Variants in CXADR observed in about 807,000 individuals in gnomAD.
CXADR encodes the protein coxsackievirus and adenovirus receptor.
In CXADR, 20 loss-of-function variants were observed where a neutral mutation model predicts 40.3. The ratio of observed to expected loss-of-function variants is 0.50; its 90% CI spans 0.35 to 0.72. CXADR has a LOEUF of 0.72. Ranked by LOEUF, CXADR falls within the 30% of genes least tolerant of loss-of-function variation. The pLI is 0.01. For synonymous variants in CXADR, 150 were observed against 161.3 expected (o/e 0.93, Z 0.53); for missense variants, 332 against 449.1 (o/e 0.74, Z 2.36).
chr21:17,573,843 G>A (rs1381275499), downstream of CXADR, among the ~76,000 whole-genome samples: 1 of 152,234 alleles, frequency 6.6e-6, no homozygotes, highest in Non-Finnish European at 1.5e-5. Flanking sequence ...GGAGGCGGAG[G>A]CTGCAGTGAG....
intron 4 of CXADR, among the ~76,000 whole-genome samples, chr21:17,560,326 A>G (rs1248290445): frequency 6.6e-6 from 1 of 152,142 alleles, no homozygotes; most frequent in African/African-American, 2.4e-5. Flanking sequence ...TGTTTCTTCC[A>G]TCTAGGGGGG....
chr21:17,612,439 A>G, the CXADR span: 1 of 152,148 alleles, frequency 6.6e-6, no homozygotes, highest in South Asian at 2.1e-4. Flanking sequence ...ACGTGGCAGG[A>G]GCCCTGAGGC....
intron 1 of CXADR, among the ~76,000 whole-genome samples, chr21:17,534,098 ATATT>A (rs1470614658): frequency 3.9e-4 from 34 of 86,564 alleles, no homozygotes; most frequent in African/African-American, 1.5e-3. Context: ...ATATATATAT[ATATT>A]TTTTTTTTTT....
chr21:17,632,605 C>T, the CXADR span, among the ~76,000 whole-genome samples: 1 of 152,168 alleles, frequency 6.6e-6, no homozygotes, highest in Non-Finnish European at 1.5e-5. Flanking sequence ...TGGTGGCTCA[C>T]GCCTGTAATG....
the CXADR span, among the ~76,000 whole-genome samples, chr21:17,616,267 G>GAAA: frequency 7.0e-6 from 1 of 141,994 alleles, no homozygotes; most frequent in African/African-American, 2.6e-5. Flanking sequence ...AGAAAAGAAG[G>GAAA]AAAAAAAAAC....
the CXADR span, among the ~76,000 whole-genome samples, chr21:17,601,606 A>G: frequency 1.3e-5 from 2 of 152,240 alleles, no homozygotes; most frequent in Non-Finnish European, 2.9e-5. Context: ...TCTAATTTCA[A>G]GTTTACTTAG....
intron 7 of CXADR, among the ~76,000 whole-genome samples, chr21:17,589,160 T>A (rs2061417816): frequency 6.6e-6 from 1 of 152,074 alleles, no homozygotes; most frequent in African/African-American, 2.4e-5. Flanking sequence ...ATATTATATA[T>A]AATGGGAACA....
At chr21:17,526,209 G>GC (rs2060596533) in intron 1 of CXADR, among the ~76,000 whole-genome samples, 1 of 152,152 alleles carries the variant, frequency 6.6e-6, no homozygotes, top group African/African-American at 2.4e-5. Flanking sequence ...ACCTGAAAAA[G>GC]CATGGGGGCA....
rs80043987 is a variant in CXADR, at chr21:17,531,573, C to T, written c.44-15454C>T. On this transcript the variant is annotated intron_variant, in intron 1 of 6. Coordinates refer to ENST00000284878, the MANE Select transcript of CXADR (RefSeq NM_001338.5). Reference sequence around the variant, plus strand: ...CTGCTCTGTTGACTCTGATTTGTTTCGCCATTCCTCCTCACAGGTGTCTCA... The same window carrying T: ...CTGCTCTGTTGACTCTGATTTGTTTTGCCATTCCTCCTCACAGGTGTCTCA... Among the ~76,000 whole-genome samples, 1,037 of 152,244 alleles carry T rather than the reference C, an allele frequency of 6.8e-3. 14 individuals carry two copies. Among genetic ancestry groups the T allele is most frequent in the African/African-American group, 0.023 (962 of 41,548 alleles).
At position 17,551,857 on chromosome 21, in the gene CXADR, G is replaced by A. The variant is rs778929866; in HGVS notation, c.319G>A (p.Val107Ile). 1 of 1,613,922 alleles carries A rather than the reference G, an allele frequency of 6.2e-7. No individual in the cohort carries two copies. The highest frequency in any genetic ancestry group is 8.5e-7 in the Non-Finnish European group (1 of 1,179,848). Reference protein sequence around the residue: ...DLKSGDASINVTNLQLSDIGT... With the variant: ...DLKSGDASINITNLQLSDIGT... ...CAAATCTGGTGATGCATCAATAAAT[G>A]TAACGAATTTACAACTGTCAGATAT... Residue 107 changes from valine (V) to isoleucine (I), a missense_variant, in exon 3 of 7, where the codon GTA becomes ATA. Physicochemically the swap from Val to Ile is conservative, Grantham distance 29. This residue lies in a region of CXADR where 162 missense variants were observed against 198.5 expected (regional missense o/e 0.82). Transcript: ENST00000284878.
chr21:17,615,682 TCA>T, the CXADR span, among the ~76,000 whole-genome samples: 2 of 152,218 alleles, frequency 1.3e-5, no homozygotes, highest in African/African-American at 2.4e-5. Flanking sequence ...TATTTCCATT[TCA>T]CAGCTAACTT....
At position 17,551,741 on chromosome 21, in the gene CXADR, T is replaced by C; in HGVS notation, c.211-8T>C. ...TTTTCCTCCTGTCTAATTTTGGCTTTCTTTTAGATTATTTTATATTCTGGA... is the reference window on the plus strand; with the variant it reads ...TTTTCCTCCTGTCTAATTTTGGCTTCCTTTTAGATTATTTTATATTCTGGA... On this transcript the variant is annotated splice_polypyrimidine_tract_variant and splice_region_variant and intron_variant, in intron 2 of 6. Transcript: ENST00000284878. The C allele has an allele frequency of 6.3e-7, 1 of 1,598,770 alleles. No homozygotes were observed.
At chr21:17,543,052 G>A (rs2060849638) in intron 1 of CXADR, 2 of 353,288 alleles carry the variant, frequency 5.7e-6, no homozygotes, top group Non-Finnish European at 1.1e-5. Flanking sequence ...GGAATTGAAG[G>A]CTTTAACCAT....
At chr21:17,593,998 T>G, downstream of CXADR, 1 of 1,432,934 alleles carries the variant, frequency 7.0e-7, no homozygotes, top group Non-Finnish European at 9.3e-7. Flanking sequence ...CCCATCTAAC[T>G]TCACTACTAT....
the CXADR span, among the ~76,000 whole-genome samples, chr21:17,627,270 C>G: frequency 6.6e-6 from 1 of 152,128 alleles, no homozygotes. Flanking sequence ...GCAAGAGAAT[C>G]ACTTGAACCT....
At chr21:17,534,294 G>A (rs1479845873) in intron 1 of CXADR, among the ~76,000 whole-genome samples, 5 of 151,142 alleles carry the variant, frequency 3.3e-5, no homozygotes, top group African/African-American at 7.3e-5. Context: ...ACGGGGTTTC[G>A]CCATGTGGGC....
At chr21:17,584,840 A>G (rs1394054304) in intron 7 of CXADR, among the ~76,000 whole-genome samples, 1 of 152,148 alleles carries the variant, frequency 6.6e-6, no homozygotes, top group Non-Finnish European at 1.5e-5. Flanking sequence ...CAAACAAACA[A>G]ACAAAAACTC....
At chr21:17,630,261 G>A in the CXADR span, among the ~76,000 whole-genome samples, 1 of 152,100 alleles carries the variant, frequency 6.6e-6, no homozygotes, top group Non-Finnish European at 1.5e-5. Context: ...CAAAAATAGA[G>A]AGCAAAGCAC....
At chr21:17,561,616 G>A in intron 6 of CXADR, 140 bp downstream of exon 6, 1 of 663,852 alleles carries the variant, frequency 1.5e-6, no homozygotes, top group Non-Finnish European at 2.4e-6. Flanking sequence ...CAATACATTT[G>A]AAAGCATTTA....
Sources: gnomAD v4.1 joint callset for allele counts (sites outside exome capture counted in the v4.1 genomes callset) on GRCh38, gnomAD v4.1.1 for gene constraint, gnomAD v4.1.1 regional missense constraint, MANE v1.5 for transcripts, NCBI Gene and HGNC (gene_info 2026-07-23, HGNC 2026-07-21) for gene names.